The following NRG1 variants were observed in gnomAD, a reference collection of about 807,000 sequenced individuals.
NRG1 encodes the protein neuregulin 1.
NRG1 carries 18 observed loss-of-function variants against 63.8 expected under a neutral mutation model. That is an observed-to-expected ratio of 0.28 (90% confidence interval 0.19 to 0.42). NRG1 has a LOEUF of 0.42. Among genes scored for constraint, NRG1 ranks in the 10% least tolerant of loss-of-function variants. The pLI, the probability that NRG1 is intolerant of heterozygous loss-of-function variation, is 1.00. For synonymous variants in NRG1, 302 were observed against 301.3 expected (o/e 1.00, Z -0.02); for missense variants, 762 against 814.7 (o/e 0.94, Z 0.79).
chr8:31,688,816 AC>A (rs1236383896), intron 1 of NRG1, among the ~76,000 whole-genome samples: 4 of 152,152 alleles, frequency 2.6e-5, no homozygotes, highest in Non-Finnish European at 5.9e-5. Context: ...TGCTGATGTA[AC>A]AAATTATCAC....
At chr8:31,889,222 T>C (rs190040994) in intron 1 of NRG1, among the ~76,000 whole-genome samples, 266 of 152,330 alleles carry the variant, frequency 1.7e-3, no homozygotes, top group African/African-American at 5.8e-3. Context: ...CGTTTTTCCT[T>C]GATGTCTTTA....
chr8:32,743,261 C>T, intron 7 of NRG1: 1 of 976,182 alleles, frequency 1.0e-6, no homozygotes, highest in South Asian at 4.7e-5. Flanking sequence ...AAACAGTTTG[C>T]ATTGAGGCAT....
chr8:32,725,464 ATTTTTTTTTTT>A lies in NRG1; in HGVS notation c.503-2466_503-2456del, dbSNP rs71209904. Among the ~76,000 whole-genome samples the A allele has an allele frequency of 1.9e-4, 13 of 67,582 alleles. No homozygotes were observed. The South Asian group carries it at 2.4e-3, about 12-fold the overall frequency. The allele number at this position is 67,582 out of a possible 152,430, so 44.3% of individuals were successfully genotyped here. A position where few individuals can be genotyped will look rare whatever the true frequency, so the allele number is the denominator to read the frequency against. On this transcript the variant is annotated intron_variant, in intron 5 of 11. Coordinates refer to ENST00000356819, the Ensembl canonical transcript of NRG1. ...TTTAACATTCGAGGCAAACTTCCTAATTTTTTTTTTTTTTTTTTTTTTTTTTTTTGAGACAG... is the reference window on the plus strand; with the variant it reads ...TTTAACATTCGAGGCAAACTTCCTAATTTTTTTTTTTTTTTTTTGAGACAG...
At chr8:32,634,040 A>G (rs1351811831) in intron 5 of NRG1, among the ~76,000 whole-genome samples, 2 of 145,558 alleles carry the variant, frequency 1.4e-5, no homozygotes, top group African/African-American at 2.6e-5. Flanking sequence ...GCCAATTGGG[A>G]GGCTGAAACA....
At chr8:32,478,909 TA>T (rs1159264961) in intron 1 of NRG1, among the ~76,000 whole-genome samples, 1 of 152,210 alleles carries the variant, frequency 6.6e-6, no homozygotes, top group Non-Finnish European at 1.5e-5. Flanking sequence ...TGAATTTGGT[TA>T]TTATCTCCAG....
intron 1 of NRG1, among the ~76,000 whole-genome samples, chr8:31,731,739 G>A (rs957377105): frequency 1.3e-5 from 2 of 152,130 alleles, no homozygotes; most frequent in Non-Finnish European, 2.9e-5. Flanking sequence ...CTAAAACACA[G>A]TTGAAAACTT....
At chr8:31,894,546 C>CTTTTTTTTTTTT (rs370312165) in intron 1 of NRG1, among the ~76,000 whole-genome samples, 6 of 98,064 alleles carry the variant, frequency 6.1e-5, no homozygotes, top group African/African-American at 1.3e-4. Context: ...CTATTTCTTT[C>CTTTTTTTTTTTT]TTTTTTCTTT....
chr8:32,398,374 A>G (rs908883049), intron 1 of NRG1, among the ~76,000 whole-genome samples: 1 of 150,292 alleles, frequency 6.7e-6, no homozygotes, highest in Admixed American at 6.7e-5. Context: ...TCATCAGTGC[A>G]GCTCTGTTTA....
intron 1 of NRG1, among the ~76,000 whole-genome samples, chr8:31,777,965 G>A (rs1057222790): frequency 2.6e-5 from 4 of 152,058 alleles, no homozygotes; most frequent in African/African-American, 9.7e-5. Flanking sequence ...TCAACATAAG[G>A]TATGGAGGGG....
At chr8:31,771,984 T>C (rs6468067) in intron 1 of NRG1, among the ~76,000 whole-genome samples, 116,320 of 152,136 alleles carry the variant, frequency 0.76, 44,870 homozygotes, top group East Asian at 0.99. Context: ...GGATAAAACC[T>C]AGGTCAAGCC....
intron 5 of NRG1, among the ~76,000 whole-genome samples, chr8:32,701,018 C>G (rs1814729605): frequency 6.6e-6 from 1 of 152,148 alleles, no homozygotes. Flanking sequence ...TGGCCCTTTG[C>G]TTACTTAAAT....
In NRG1 at chr8:32,260,255, A is replaced by T. The variant is rs941327139; in HGVS notation, c.38-335573A>T. ...GAAAAGCATGGGGCTGAAAGAAGGA[A>T]GTCTCTCTGAGGCAGAAGTCCTTTG... On this transcript the variant is annotated intron_variant, in intron 1 of 10. Coordinates refer to the NRG1 transcript ENST00000519301. Among the ~76,000 whole-genome samples the T allele has an allele frequency of 5.3e-5, 8 of 152,364 alleles. No individual in the cohort carries two copies. In the South Asian group the frequency reaches 8.3e-4, roughly 16 times the overall value.
At chr8:31,946,424 G>A (rs1429169157) in intron 1 of NRG1, among the ~76,000 whole-genome samples, 3 of 152,162 alleles carry the variant, frequency 2.0e-5, no homozygotes, top group East Asian at 1.9e-4. Flanking sequence ...CCTGCAAGGC[G>A]CTAACAGTGA....
At chr8:32,047,186 G>T (rs1821147837) in intron 1 of NRG1, among the ~76,000 whole-genome samples, 1 of 152,022 alleles carries the variant, frequency 6.6e-6, no homozygotes, top group Admixed American at 6.6e-5. Context: ...TCTGGAGCTG[G>T]TTAACTGACA....
intron 1 of NRG1, among the ~76,000 whole-genome samples, chr8:31,769,064 C>A (rs1044169960): frequency 1.3e-5 from 2 of 152,134 alleles, no homozygotes; most frequent in Non-Finnish European, 2.9e-5. Flanking sequence ...AACATGTACT[C>A]CTTACCCTGC....
intron 1 of NRG1, among the ~76,000 whole-genome samples, chr8:32,595,186 T>A (rs1843135870): frequency 6.6e-6 from 1 of 152,108 alleles, no homozygotes; most frequent in African/African-American, 2.4e-5. Context: ...TTTTATTTTT[T>A]ATTTTTTTTT....
chr8:32,435,902 A>G (rs1238324860), intron 1 of NRG1, among the ~76,000 whole-genome samples: 1 of 152,136 alleles, frequency 6.6e-6, no homozygotes, highest in Non-Finnish European at 1.5e-5. Context: ...GTAAGATTTT[A>G]TTGGTAAAAT....
chr8:32,518,555 A>T (rs958608643), intron 1 of NRG1, among the ~76,000 whole-genome samples: 29 of 152,288 alleles, frequency 1.9e-4, no homozygotes, highest in Admixed American at 1.6e-3. Context: ...ACATGTGAAG[A>T]TGTAAAAAAG....
intron 1 of NRG1, among the ~76,000 whole-genome samples, chr8:32,033,378 G>A (rs1202611596): frequency 6.6e-6 from 1 of 152,142 alleles, no homozygotes; most frequent in Non-Finnish European, 1.5e-5. Flanking sequence ...AAGTTGTATA[G>A]CATGATGCCT....
Sources: gnomAD v4.1 joint callset for allele counts (sites outside exome capture counted in the v4.1 genomes callset) on GRCh38, gnomAD v4.1.1 for gene constraint, MANE v1.5 for transcripts, NCBI Gene and HGNC (gene_info 2026-07-23, HGNC 2026-07-21) for gene names.